Variants in ZNF558 observed in about 807,000 individuals in gnomAD.
ZNF558 encodes the protein zinc finger protein 558.
Under a neutral mutation model 37.6 loss-of-function variants are expected in ZNF558, and 23 were observed. The ratio of observed to expected loss-of-function variants is 0.61; its 90% CI spans 0.44 to 0.87. The LOEUF (loss-of-function observed/expected upper bound fraction) is 0.87, where lower values mean the gene tolerates loss of function less well. Among genes scored for constraint, ZNF558 ranks in the 40% least tolerant of loss-of-function variants. The probability of loss-of-function intolerance (pLI) is 0.00; values close to 1 mark genes in which losing one functional copy is unlikely to be tolerated. For missense variants in ZNF558, 429 were observed against 483.7 expected (o/e 0.89, Z 1.06); for synonymous variants, 189 against 174.4 (o/e 1.08, Z -0.66).
rs2043966850 is a variant in ZNF558 at position 8,817,460 on chromosome 19, G to GT, written c.247+3719dup. The stretch of plus-strand genomic sequence containing the variant: ...GCCCACTGCCCAACTGTAGGCTAAT[G>GT]TAAGTGTTCTGAGCATGTTTAGGCT... On this transcript the variant is annotated intron_variant, in intron 7 of 9. Transcript: ENST00000601372. Among the ~76,000 whole-genome samples the GT allele has an allele frequency of 2.0e-5, 3 of 151,978 alleles. No individual in the cohort carries two copies. The South Asian group carries it at 6.2e-4, about 31-fold the overall frequency.
Position 8,811,535 on chromosome 19 carries a change from GTT to G in ZNF558, c.953_954del (p.Lys318ThrfsTer3), listed in dbSNP as rs1568460544. 1 of 1,614,138 alleles carries G rather than the reference GTT, an allele frequency of 6.2e-7. No individual in the cohort carries two copies. The stretch of plus-strand genomic sequence containing the variant: ...TTCCCACACTCGTTACATTCATAGG[GTT>G]TTTCTCCAGTATGAGTTCTTACGTG... ...TQHVRTHTGEKPYECNECGKS... is the reference protein window; with the variant it reads ...TQHVRTHTGEXPYECNECGKS... On this transcript the variant is annotated frameshift_variant, in exon 10 of 10. Transcript: ENST00000601372. LOFTEE classifies it high-confidence loss of function.
At position 8,830,072 on chromosome 19, in the gene ZNF558, C is replaced by T. The variant is rs150487470; in HGVS notation, c.-509+1246G>A. ...GTAGGAGGTGACTGAATCATGGGGGCGGACTTCCCCCTTGCTGTTCTCCTG... is the reference window on the plus strand; with the variant it reads ...GTAGGAGGTGACTGAATCATGGGGGTGGACTTCCCCCTTGCTGTTCTCCTG... On this transcript the variant is annotated intron_variant, in intron 2 of 9. Transcript: ENST00000601372. Among the ~76,000 whole-genome samples the T allele has an allele frequency of 5.5e-3, 833 of 152,180 alleles. 14 individuals are homozygous for T. The highest frequency in any genetic ancestry group is 0.019 in the African/African-American group (788 of 41,520).
intron 7 of ZNF558, among the ~76,000 whole-genome samples, chr19:8,814,382 C>T (rs868907378): frequency 8.5e-5 from 13 of 152,066 alleles, no homozygotes; most frequent in East Asian, 1.9e-4. Context: ...CTGGAACACA[C>T]GTGATCGACA....
chr19:8,825,784 G>A (rs920940115), intron 2 of ZNF558, among the ~76,000 whole-genome samples: 1 of 152,176 alleles, frequency 6.6e-6, no homozygotes, highest in African/African-American at 2.4e-5. Context: ...GGCCTCTGTG[G>A]TAGACAGATG....
Position 8,832,228 on chromosome 19 carries a change from G to T in ZNF558, c.-612C>A, listed in dbSNP as rs1368625249. Reference sequence around the variant, plus strand: ...GCTCACCGAGCCCGGCCCCTCCCGCGGGGCCAAAAGCGCCGACTCGCGGGG... The same window carrying T: ...GCTCACCGAGCCCGGCCCCTCCCGCTGGGCCAAAAGCGCCGACTCGCGGGG... On this transcript the variant is annotated 5_prime_UTR_variant, in exon 1 of 10. Transcript: ENST00000601372. 2 of 152,132 alleles carry T rather than the reference G, an allele frequency of 1.3e-5. No individual in the cohort carries two copies. Among genetic ancestry groups the T allele is most frequent in the Non-Finnish European group, 2.9e-5 (2 of 68,010 alleles). 9.4% of individuals were successfully genotyped at this position (152,132 alleles called of 1,614,324 possible).
In ZNF558 at chr19:8,831,369, C is replaced by T. The variant is rs2972587; in HGVS notation, c.-560G>A. On this transcript the variant is annotated 5_prime_UTR_variant, in exon 2 of 10. Transcript: ENST00000601372. ...AGGTGGACCTTGTGGCAGGCTTCAACACGAATCTGAGCTTGAATGATGCTT... is the reference window on the plus strand; with the variant it reads ...AGGTGGACCTTGTGGCAGGCTTCAATACGAATCTGAGCTTGAATGATGCTT... 0.62 allele frequency: 94,395 copies of T among 151,226 alleles called. 30,253 individuals carry two copies. The highest frequency in any genetic ancestry group is 0.78 in the Middle Eastern group (229 of 294). The allele number at this position is 151,226 out of a possible 1,614,324, so 9.4% of individuals were successfully genotyped here.
At position 8,813,231 on chromosome 19, in the gene ZNF558, G is replaced by A; in HGVS notation, c.248-9C>T. On this transcript the variant is annotated splice_polypyrimidine_tract_variant and intron_variant, in intron 7 of 9. Coordinates refer to ENST00000601372, the MANE Select transcript of ZNF558 (RefSeq NM_144693.3). The stretch of plus-strand genomic sequence containing the variant: ...TTTATTAACACGACACCCTATTTAT[G>A]GAAACAATACACATGATATAGGTAA... 2.5e-6 allele frequency: 4 copies of A among 1,574,318 alleles called. No homozygotes were observed. Among genetic ancestry groups the A allele is most frequent in the Non-Finnish European group, 3.5e-6 (4 of 1,157,238 alleles).
chr19:8,830,768 G>C (rs1311077764), intron 2 of ZNF558: 1 of 152,134 alleles, frequency 6.6e-6, no homozygotes. Flanking sequence ...GGTGGCACTT[G>C]CCTGTAGTCC....
Position 8,821,984 on chromosome 19 carries a change from A to C in ZNF558, c.120+19T>G. ...TGGCCAAAGGAATAATGATTTGGGAAAAGGAACATCTGACTCACCCGTAGC... is the reference window on the plus strand; with the variant it reads ...TGGCCAAAGGAATAATGATTTGGGACAAGGAACATCTGACTCACCCGTAGC... On this transcript the variant is annotated intron_variant, in intron 6 of 9. Coordinates refer to ENST00000601372, the MANE Select transcript of ZNF558 (RefSeq NM_144693.3). 1 of 1,613,676 alleles carries C rather than the reference A, an allele frequency of 6.2e-7. No individual in the cohort carries two copies. The highest frequency in any genetic ancestry group is 8.5e-7 in the Non-Finnish European group (1 of 1,179,702).
intron 7 of ZNF558, among the ~76,000 whole-genome samples, chr19:8,814,528 C>A (rs1182140897): frequency 2.6e-5 from 4 of 152,160 alleles, no homozygotes; most frequent in Non-Finnish European, 5.9e-5. Context: ...TGAAAATCTT[C>A]CTCATATTCT....
At chr19:8,834,486 T>C (rs377429321), upstream of ZNF558, among the ~76,000 whole-genome samples, 1 of 151,876 alleles carries the variant, frequency 6.6e-6, no homozygotes, top group African/African-American at 2.4e-5. Flanking sequence ...CGGGCGCCTA[T>C]AGTCCCAGCT....
chr19:8,823,479 C>A (rs538130281), intron 4 of ZNF558, among the ~76,000 whole-genome samples: 152 of 119,932 alleles, frequency 1.3e-3, no homozygotes, highest in African/African-American at 4.6e-3. Context: ...GCCTTGGTCA[C>A]CCCCCTCCTG....
Position 8,809,676 on chromosome 19 carries a change from G to C in ZNF558, c.*1605C>G, listed in dbSNP as rs2043737114. Reference sequence around the variant, plus strand: ...TGCAATGTGTGGATGTCTTTAACAAGCAAATTAATTATAATAAATACATTG... The same window carrying C: ...TGCAATGTGTGGATGTCTTTAACAACCAAATTAATTATAATAAATACATTG... On this transcript the variant is annotated 3_prime_UTR_variant, in exon 10 of 10. Transcript: ENST00000601372. The C allele has an allele frequency of 6.6e-6, 1 of 152,046 alleles. No homozygotes were observed. The highest frequency in any genetic ancestry group is 2.1e-4 in the South Asian group (1 of 4,828). 9.4% of individuals were successfully genotyped at this position (152,046 alleles called of 1,614,324 possible).
Position 8,811,352 on chromosome 19 carries a change from G to T in ZNF558, c.1138C>A (p.His380Asn), listed in dbSNP as rs373985004. 2 of 1,613,062 alleles carry T rather than the reference G, an allele frequency of 1.2e-6. No individual in the cohort carries two copies. Among genetic ancestry groups the T allele is most frequent in the African/African-American group, 2.7e-5 (2 of 74,966 alleles). The change falls in exon 10 of 10, where the codon CAT becomes AAT. Residue 380 changes from histidine to asparagine, a missense_variant. Coordinates refer to ENST00000601372, the MANE Select transcript of ZNF558 (RefSeq NM_144693.3). ...TTACTTGTGAAGGATTTCCCACAAT[G>T]ATTACATTCATAGGGTTTTTCTCCA... ...HTGEKPYECN[H>N]CGKSFTSNSY...
intron 7 of ZNF558, 53 bp downstream of exon 7, chr19:8,821,127 C>G: frequency 6.3e-7 from 1 of 1,586,474 alleles, no homozygotes; most frequent in Non-Finnish European, 8.6e-7. Context: ...GCAAAGCAGG[C>G]AAGTGTTGCC....
rs954281249 is a variant in ZNF558, at chr19:8,807,766, A to G, written c.*3515T>C. 6.6e-6 allele frequency: 1 copy of G among 151,932 alleles called. No homozygotes were observed. The highest frequency in any genetic ancestry group is 1.5e-5 in the Non-Finnish European group (1 of 68,010). 9.4% of individuals were successfully genotyped at this position (151,932 alleles called of 1,614,324 possible). ...CTTTTTTTTCCTATAACTCTATAATACCATATTTTCTTGATTTTTCTATAA... is the reference window on the plus strand; with the variant it reads ...CTTTTTTTTCCTATAACTCTATAATGCCATATTTTCTTGATTTTTCTATAA... On this transcript the variant is annotated 3_prime_UTR_variant, in exon 10 of 10. Transcript: ENST00000601372.
Position 8,811,933 on chromosome 19 carries a change from C to T in ZNF558, c.557G>A (p.Gly186Glu). 6.2e-7 allele frequency: 1 copy of T among 1,614,062 alleles called. No homozygotes were observed. The highest frequency in any genetic ancestry group is 8.5e-7 in the Non-Finnish European group (1 of 1,180,002). The change falls in exon 10 of 10, where the codon GGG (glycine) becomes GAG (glutamate). Residue 186 changes from glycine to glutamate, a missense_variant. By Grantham distance (98) the Gly-to-Glu change is moderately conservative (BLOSUM62 -2). Transcript: ENST00000601372. ...GTAAGATCTGCTACTGAAGGACTTC[C>T]CACATTGACTACAGTCATAGGGTTT... Reference protein sequence around the residue: ...GEKPYDCSQCGKSFSSRSYLT... With the variant: ...GEKPYDCSQCEKSFSSRSYLT...
At chr19:8,820,187 G>A (rs1395996436) in intron 7 of ZNF558, among the ~76,000 whole-genome samples, 10 of 152,174 alleles carry the variant, frequency 6.6e-5, no homozygotes, top group African/African-American at 1.2e-4. Context: ...TGGCGGGAAC[G>A]TGCAATGGTG....
At chr19:8,827,516 A>G (rs1222015632) in intron 2 of ZNF558, among the ~76,000 whole-genome samples, 1 of 148,014 alleles carries the variant, frequency 6.8e-6, no homozygotes, top group Non-Finnish European at 1.5e-5. Context: ...AGTGAGGCCT[A>G]GTATGGTTCT....
Sources: gnomAD v4.1 joint callset for allele counts (sites outside exome capture counted in the v4.1 genomes callset) on GRCh38, gnomAD v4.1.1 for gene constraint, MANE v1.5 for transcripts, NCBI Gene and HGNC (gene_info 2026-07-23, HGNC 2026-07-21) for gene names.